PSME3IP1: variants seen among roughly 807,000 people sequenced by gnomAD.
PSME3IP1 encodes the protein PSME3-interacting protein.
PSME3IP1 carries 13 observed loss-of-function variants against 34.1 expected under a neutral mutation model. The ratio of observed to expected loss-of-function variants is 0.38; its 90% confidence interval spans 0.25 to 0.61. The LOEUF is 0.61. Ranked by LOEUF, PSME3IP1 falls within the 20% of genes least tolerant of loss-of-function variation. PSME3IP1 has a pLI of 0.60. For missense variants in PSME3IP1, 237 were observed against 301.4 expected (o/e 0.79, Z 1.58); for synonymous variants, 93 against 114.3 (o/e 0.81, Z 1.19).
intron 4 of PSME3IP1, among the ~76,000 whole-genome samples, chr16:57,168,836 A>G (rs1311750451): frequency 8.9e-5 from 13 of 145,474 alleles, no homozygotes; most frequent in African/African-American, 3.0e-4. Flanking sequence ...AAAAGATTTC[A>G]TCTTTCTAGG....
intron 1 of PSME3IP1, chr16:57,178,485 G>C: frequency 2.3e-6 from 2 of 860,590 alleles, no homozygotes; most frequent in Non-Finnish European, 2.8e-6. Flanking sequence ...GCATATATTA[G>C]GTATTCAAAT....
rs182776666 is a variant in PSME3IP1 at position 57,184,077 on chromosome 16, A to G, written c.-16+1744T>C. 2.2e-3 allele frequency among the ~76,000 whole-genome samples: 333 copies of G among 152,338 alleles called. 2 individuals carry two copies. Among genetic ancestry groups the G allele is most frequent in the African/African-American group, 7.2e-3 (299 of 41,582 alleles). ...ATAAAAAACTGTAAAAGTGTCACAA[A>G]CCAAACAGAACTTCAGAAACTAAAA... On this transcript the variant is annotated intron_variant, in intron 1 of 6. Coordinates refer to ENST00000309137, the MANE Select transcript of PSME3IP1 (RefSeq NM_024946.4).
intron 1 of PSME3IP1, chr16:57,178,434 CTTT>C: frequency 1.9e-6 from 1 of 526,842 alleles, no homozygotes; most frequent in African/African-American, 2.1e-5. Context: ...TCCAACAGCT[CTTT>C]GTCTCCACAG....
intron 1 of PSME3IP1, chr16:57,174,306 A>AG (rs558263921): frequency 3.6e-4 from 165 of 456,728 alleles, no homozygotes; most frequent in African/African-American, 3.4e-3. Flanking sequence ...AAAAAAAAAA[A>AG]ACTCTCAAAT....
At chr16:57,165,781 C>A (rs1179140784) in intron 5 of PSME3IP1, among the ~76,000 whole-genome samples, 1 of 152,104 alleles carries the variant, frequency 6.6e-6, no homozygotes, top group Non-Finnish European at 1.5e-5. Flanking sequence ...TGTTTCAAAA[C>A]CCAAAAGGGG....
rs2070285941 is a variant in PSME3IP1 at position 57,154,488 on chromosome 16, A to T, written c.567T>A (p.Ser189=). Residue 189 remains serine, a synonymous_variant, in exon 7 of 7, where the codon TCT becomes TCA. Transcript: ENST00000309137. The surrounding 1 kb of genome is among the most constrained non-coding windows in gnomAD (Gnocchi z 4.0). ...GGCCACTCAGGGAGGTGTTTCCGAG[A>T]GACTTGCAGGATGAGGGCTCTGCAA... ...DKNQEPSSCK[S]LGNTSLSGPS... is the part of the protein sequence containing the mutation. The T allele has an allele frequency of 6.2e-7, 1 of 1,610,764 alleles. No homozygotes were observed. Among genetic ancestry groups the T allele is most frequent in the African/African-American group, 1.3e-5 (1 of 74,854 alleles).
Position 57,185,822 on chromosome 16 carries a change from T to G in PSME3IP1, c.-17A>C. On this transcript the variant is annotated splice_region_variant and 5_prime_UTR_variant, in exon 1 of 7. Transcript: ENST00000309137. Reference sequence around the variant, plus strand: ...GGCCAGGACCGAGGCCGCACTCACCTACCGGCGCGCGGGAGGCGAGACGAC... The same window carrying G: ...GGCCAGGACCGAGGCCGCACTCACCGACCGGCGCGCGGGAGGCGAGACGAC... The G allele has an allele frequency of 1.0e-6, 1 of 984,934 alleles. No homozygotes were observed. Among genetic ancestry groups the G allele is most frequent in the Non-Finnish European group, 1.2e-6 (1 of 829,886 alleles). The allele number at this position is 984,934 out of a possible 1,614,324, so 61.0% of individuals were successfully genotyped here.
At chr16:57,170,314 C>T (rs1363092023) in intron 4 of PSME3IP1, among the ~76,000 whole-genome samples, 1 of 152,110 alleles carries the variant, frequency 6.6e-6, no homozygotes, top group Non-Finnish European at 1.5e-5. Context: ...AACTCCTGAC[C>T]TCAAGCGATC....
chr16:57,181,619 T>G (rs1190536137), intron 1 of PSME3IP1: 1 of 152,206 alleles, frequency 6.6e-6, no homozygotes, highest in Non-Finnish European at 1.5e-5. Context: ...GCCTCCATTT[T>G]AGATACCAAC....
chr16:57,167,127 C>A lies in PSME3IP1; in HGVS notation c.448G>T (p.Ala150Ser), dbSNP rs370469445. The A allele has an allele frequency of 3.1e-6, 5 of 1,613,920 alleles. No homozygotes were observed. The highest frequency in any genetic ancestry group is 1.3e-5 in the African/African-American group (1 of 74,922). Residue 150 changes from alanine (A) to serine (S), a missense_variant, in exon 5 of 7, where the codon GCG becomes TCG. Physicochemically the swap from Ala to Ser is moderately conservative, Grantham distance 99. Coordinates refer to ENST00000309137, the MANE Select transcript of PSME3IP1 (RefSeq NM_024946.4). The part of the protein sequence containing the change: ...PIETKNKFSQ[A>S]KLLAGAVKHK... ...TTCACAGCTCCTGCCAACAGCTTCG[C>A]CTGGGAGAACTTGTTCTTGGTTTCT...
rs567213224 is a variant in PSME3IP1, at chr16:57,168,920, C to G, written c.349-1694G>C. Among the ~76,000 whole-genome samples the G allele has an allele frequency of 2.1e-5, 3 of 143,742 alleles. No homozygotes were observed. In the East Asian group the frequency reaches 6.2e-4, roughly 30 times the overall value. The allele number at this position is 143,742 out of a possible 152,430, so 94.3% of individuals were successfully genotyped here. A position where few individuals can be genotyped will look rare whatever the true frequency, so the allele number is the denominator to read the frequency against. On this transcript the variant is annotated intron_variant, in intron 4 of 6. Coordinates refer to ENST00000309137, the MANE Select transcript of PSME3IP1 (RefSeq NM_024946.4). The stretch of plus-strand genomic sequence containing the variant: ...TCCATCATTAGGAGACAGAAGTTCT[C>G]AAAACTCTCAATATTAAATATTAAA...
chr16:57,182,502 T>C (rs1346058945), intron 1 of PSME3IP1, among the ~76,000 whole-genome samples: 1 of 127,090 alleles, frequency 7.9e-6, no homozygotes, highest in Non-Finnish European at 1.6e-5. Flanking sequence ...TGCTTGAGCC[T>C]AGGAGTTCAA....
At chr16:57,173,126 G>A (rs569847782) in intron 2 of PSME3IP1, among the ~76,000 whole-genome samples, 2 of 152,286 alleles carry the variant, frequency 1.3e-5, no homozygotes, top group South Asian at 2.1e-4. Context: ...ACTGATTGAG[G>A]GGCCAGCCCA....
At chr16:57,159,610 C>T (rs1233277346) in intron 6 of PSME3IP1, among the ~76,000 whole-genome samples, 2 of 152,120 alleles carry the variant, frequency 1.3e-5, no homozygotes, top group African/African-American at 2.4e-5. Context: ...CTTCAGGGAG[C>T]GTTCTTCTTG....
chr16:57,182,682 G>A (rs2073840826), intron 1 of PSME3IP1, among the ~76,000 whole-genome samples: 1 of 145,738 alleles, frequency 6.9e-6, no homozygotes, highest in Non-Finnish European at 1.5e-5. Context: ...GACTGAGGCA[G>A]GTGGATCACC....
chr16:57,171,375 A>G (rs1435014443), intron 4 of PSME3IP1, among the ~76,000 whole-genome samples: 1 of 152,204 alleles, frequency 6.6e-6, no homozygotes, highest in Non-Finnish European at 1.5e-5. Context: ...ACGGCCTGAT[A>G]CAGAGTAAGA....
At chr16:57,171,548 G>T (rs1219857004) in intron 4 of PSME3IP1, among the ~76,000 whole-genome samples, 1 of 152,196 alleles carries the variant, frequency 6.6e-6, no homozygotes, top group Non-Finnish European at 1.5e-5. Flanking sequence ...CGAGAAGAAA[G>T]TCTACTACTA....
chr16:57,183,799 A>T (rs1397434736), intron 1 of PSME3IP1, among the ~76,000 whole-genome samples: 3 of 152,228 alleles, frequency 2.0e-5, no homozygotes, highest in African/African-American at 7.2e-5. Flanking sequence ...GATAACAGAA[A>T]CAAGTTCAAG....
In PSME3IP1 at chr16:57,172,513, A is replaced by C. The variant is rs2072706306; in HGVS notation, c.227-141T>G. 1.1e-5 allele frequency: 10 copies of C among 893,156 alleles called. No individual in the cohort carries two copies. In the South Asian group the frequency reaches 1.8e-4, roughly 16 times the overall value. The allele number at this position is 893,156 out of a possible 1,614,324, so 55.3% of individuals were successfully genotyped here. Reference sequence around the variant, plus strand: ...GGTAAATACCATGGCGTTTGAATAGATAACAGGGCATAAAAAAAAACAAGG... The same window carrying C: ...GGTAAATACCATGGCGTTTGAATAGCTAACAGGGCATAAAAAAAAACAAGG... On this transcript the variant is annotated intron_variant, in intron 3 of 6. Transcript: ENST00000309137.
Sources: gnomAD v4.1 joint callset for allele counts (sites outside exome capture counted in the v4.1 genomes callset) on GRCh38, gnomAD v4.1.1 for gene constraint, Gnocchi (gnomAD v3.1) non-coding constraint, MANE v1.5 for transcripts, NCBI Gene and HGNC (gene_info 2026-07-23, HGNC 2026-07-21) for gene names.